The following RANGAP1 variants were observed in gnomAD, a reference collection of about 807,000 sequenced individuals.
RANGAP1 encodes the protein ran GTPase-activating protein 1.
Under a neutral mutation model 63.5 loss-of-function variants are expected in RANGAP1, and 38 were observed. The observed-to-expected ratio is 0.60, with a 90% confidence interval of 0.46 to 0.78. The LOEUF is 0.78. Ranked by LOEUF, RANGAP1 falls within the 30% of genes least tolerant of loss-of-function variation. The pLI is 0.00. For synonymous variants in RANGAP1, 329 were observed against 310.5 expected, an observed-to-expected ratio of 1.06 and a Z score of -0.63; for missense variants, 630 against 740.3, an observed-to-expected ratio of 0.85 and a Z score of 1.73.
chr22:41,257,928 C>G lies in RANGAP1; in HGVS notation c.774+20G>C. The G allele has an allele frequency of 6.3e-7, 1 of 1,582,760 alleles. No homozygotes were observed. Among genetic ancestry groups the G allele is most frequent in the East Asian group, 2.3e-5 (1 of 44,098 alleles). On this transcript the variant is annotated intron_variant, in intron 7 of 15. Coordinates refer to ENST00000356244, the MANE Select transcript of RANGAP1 (RefSeq NM_002883.4). The surrounding 1 kb of genome is among the most constrained non-coding windows in gnomAD (Gnocchi z 4.0). Reference sequence around the variant, plus strand: ...CCTCTATCTGGCGGGGCCCAACTGGCTCTGCCACACTCGCCTCACCTCGGC... The same window carrying G: ...CCTCTATCTGGCGGGGCCCAACTGGGTCTGCCACACTCGCCTCACCTCGGC...
the RANGAP1 span, among the ~76,000 whole-genome samples, chr22:41,294,604 G>A: frequency 6.9e-6 from 1 of 145,790 alleles, no homozygotes; most frequent in African/African-American, 2.5e-5. Context: ...TCTAGGAAGT[G>A]AGGAGCGCCT....
At chr22:41,286,440 G>C (rs935540436), upstream of RANGAP1, among the ~76,000 whole-genome samples, 2 of 152,240 alleles carry the variant, frequency 1.3e-5, no homozygotes, top group Admixed American at 1.3e-4. Flanking sequence ...TTCTCGCAGA[G>C]ACCGCAGGGA....
At chr22:41,269,652 G>C (rs990514716) in intron 3 of RANGAP1, among the ~76,000 whole-genome samples, 1 of 149,188 alleles carries the variant, frequency 6.7e-6, no homozygotes, top group East Asian at 2.0e-4. Flanking sequence ...TTCAGCAAGA[G>C]AATCGCTGAA....
chr22:41,254,333 C>T lies in RANGAP1; in HGVS notation c.1235G>A (p.Arg412Gln), dbSNP rs543344870. 15 of 1,614,004 alleles carry T rather than the reference C, an allele frequency of 9.3e-6. No homozygotes were observed. Among genetic ancestry groups the T allele is most frequent in the East Asian group, 2.2e-5 (1 of 44,872 alleles). ...CCCAGTGTTAGGGTCCAGAATCTTC[C>T]GTGAGGGCGTGGCTGACTTCTCTCC... is the stretch of plus-strand genomic sequence containing the variant. The part of the protein sequence containing the change: ...GQGEKSATPS[R>Q]KILDPNTGEP... Residue 412 changes from arginine to glutamine, a missense_variant, in exon 11 of 16, where the codon CGG becomes CAG. By Grantham distance (43) the Arg-to-Gln change is conservative. Transcript: ENST00000356244.
Position 41,254,433 on chromosome 22 carries a change from C to G in RANGAP1, c.1135G>C (p.Glu379Gln). The G allele has an allele frequency of 1.2e-6, 2 of 1,612,216 alleles. No individual in the cohort carries two copies. The highest frequency in any genetic ancestry group is 1.7e-5 in the Admixed American group (1 of 59,948). ...GEEEEEEAEE[E>Q]EEEDEEEEEE... ...TCCTCTTCCTCATCTTCCTCCTCCT[C>G]TTCTTCTGCTTCCTCTTCTTCCTCT... The change falls in exon 11 of 16, where the codon GAG becomes CAG. Residue 379 changes from glutamate to glutamine, a missense_variant. This residue lies in a region of RANGAP1 where 428 missense variants were observed against 465.5 expected (regional missense o/e 0.92). Coordinates refer to ENST00000356244, the MANE Select transcript of RANGAP1 (RefSeq NM_002883.4).
At chr22:41,288,538 GT>G (rs1247436618), upstream of RANGAP1, among the ~76,000 whole-genome samples, 3 of 152,176 alleles carry the variant, frequency 2.0e-5, no homozygotes, top group Non-Finnish European at 4.4e-5. Flanking sequence ...GATCGAATCA[GT>G]CTGGATTTTC....
intron 1 of RANGAP1, 51 bp from the exon 2 acceptor site, chr22:41,281,133 G>A (rs754744720): frequency 2.4e-5 from 36 of 1,470,956 alleles, no homozygotes; most frequent in Non-Finnish European, 3.1e-5. Flanking sequence ...GGGGCCCCTG[G>A]TTGGGGGCAG....
At chr22:41,291,596 T>TA in the RANGAP1 span, among the ~76,000 whole-genome samples, 75,363 of 105,856 alleles carry the variant, frequency 0.71, 27,617 homozygotes, top group East Asian at 0.92. Context: ...AGATCCATCT[T>TA]AAAAAAAAAA....
Position 41,254,404 on chromosome 22 carries a change from T to TTCCTCCTCTTCCTCATCTTCC in RANGAP1, c.1143_1163dup (p.Asp383_Glu389dup). ...CTTCTTCCTCCTCCTCCTCCTCTTC[T>TTCCTCCTCTTCCTCATCTTCC]TCCTCCTCTTCCTCATCTTCCTCCT... is the stretch of plus-strand genomic sequence containing the variant. On this transcript the variant is annotated inframe_insertion, in exon 11 of 16. Coordinates refer to ENST00000356244, the MANE Select transcript of RANGAP1 (RefSeq NM_002883.4). The TTCCTCCTCTTCCTCATCTTCC allele has an allele frequency of 6.2e-7, 1 of 1,611,848 alleles. No homozygotes were observed. Among genetic ancestry groups the TTCCTCCTCTTCCTCATCTTCC allele is most frequent in the Non-Finnish European group, 8.5e-7 (1 of 1,178,314 alleles).
chr22:41,285,739 C>G, intron 1 of RANGAP1: 1 of 955,552 alleles, frequency 1.0e-6, no homozygotes, highest in South Asian at 4.8e-5. Flanking sequence ...CCACTGCTAG[C>G]AGCTGCAGGC....
chr22:41,251,152 G>A, intron 12 of RANGAP1, 43 bp from the exon 13 acceptor site: 1 of 1,525,606 alleles, frequency 6.6e-7, no homozygotes. Flanking sequence ...GCACGTGGTG[G>A]AGAGGTACCT....
intron 15 of RANGAP1, among the ~76,000 whole-genome samples, chr22:41,247,260 T>G (rs541675667): frequency 6.6e-6 from 1 of 152,242 alleles, no homozygotes; most frequent in East Asian, 1.9e-4. Flanking sequence ...TTTCACCATG[T>G]TAGCCAGGAT....
At chr22:41,253,988 A>G (rs1409433574) in intron 11 of RANGAP1, among the ~76,000 whole-genome samples, 1 of 151,952 alleles carries the variant, frequency 6.6e-6, no homozygotes, top group Non-Finnish European at 1.5e-5. Context: ...AGCATCTGTA[A>G]TCCCAGCTGT....
chr22:41,294,939 GC>G, the RANGAP1 span, among the ~76,000 whole-genome samples: 4 of 111,720 alleles, frequency 3.6e-5, no homozygotes, highest in South Asian at 1.4e-3. Context: ...TGGGGGATCA[GC>G]CCCCCGCCCG....
intron 8 of RANGAP1, 99 bp from the exon 9 acceptor site, chr22:41,256,389 C>T (rs2033837084): frequency 8.1e-7 from 1 of 1,234,862 alleles, no homozygotes. Flanking sequence ...ATATGGCAGG[C>T]TCTGTCCTCC....
In RANGAP1 at chr22:41,252,863, G is replaced by T; in HGVS notation, c.1380+9C>A. The T allele has an allele frequency of 6.4e-7, 1 of 1,568,044 alleles. No individual in the cohort carries two copies. Among genetic ancestry groups the T allele is most frequent in the South Asian group, 1.1e-5 (1 of 87,070 alleles). On this transcript the variant is annotated intron_variant, in intron 12 of 15. Transcript: ENST00000356244. ...ACGTACAGCGTGGGGGTCGAGGGGT[G>T]GTTATTACCTGCTGGGCTATCAGCA...
intron 12 of RANGAP1, among the ~76,000 whole-genome samples, chr22:41,252,427 G>A (rs540769956): frequency 8.0e-4 from 122 of 152,262 alleles, no homozygotes; most frequent in African/African-American, 2.8e-3. Context: ...TGGATGCCCC[G>A]AAGATCATCT....
the RANGAP1 span, among the ~76,000 whole-genome samples, chr22:41,302,083 C>T: frequency 6.6e-6 from 1 of 152,116 alleles, no homozygotes; most frequent in South Asian, 2.1e-4. This position sits in a 1 kb window ranked among gnomAD's most constrained non-coding sequence, Gnocchi z 5.7. Flanking sequence ...CCCCTGCAGC[C>T]CCCAGGAGGT....
At chr22:41,272,181 T>C (rs1413306531) in intron 3 of RANGAP1, among the ~76,000 whole-genome samples, 6 of 152,156 alleles carry the variant, frequency 3.9e-5, no homozygotes, top group African/African-American at 9.7e-5. Flanking sequence ...CTGAGTCCTG[T>C]AGCCTTCAGG....
Sources: allele counts gnomAD v4.1 joint callset (sites outside exome capture counted in the v4.1 genomes callset), GRCh38; gene constraint gnomAD v4.1.1; regional missense constraint gnomAD v4.1.1; non-coding constraint Gnocchi (gnomAD v3.1); transcripts MANE v1.5; gene names NCBI Gene and HGNC (gene_info 2026-07-23, HGNC 2026-07-21).